VAV2: variants seen among roughly 807,000 people sequenced by gnomAD.
VAV2 encodes the protein vav guanine nucleotide exchange factor 2, also known as guanine nucleotide exchange factor VAV2.
In VAV2, 67 loss-of-function variants were observed where a neutral mutation model predicts 132.5. The ratio of observed to expected loss-of-function variants is 0.51; its 90% CI spans 0.42 to 0.62. VAV2 has a LOEUF of 0.62. VAV2 is among the 20% of genes least tolerant of loss of function. The pLI, the probability that VAV2 is intolerant of heterozygous loss-of-function variation, is 0.00. For missense variants in VAV2, 938 were observed against 1,153.6 expected, an observed-to-expected ratio of 0.81 and a Z score of 2.71; for synonymous variants, 492 against 443.5, an observed-to-expected ratio of 1.11 and a Z score of -1.37.
intron 2 of VAV2, among the ~76,000 whole-genome samples, chr9:133,892,619 C>T (rs1174940992): frequency 2.6e-5 from 4 of 152,120 alleles, no homozygotes; most frequent in Admixed American, 6.5e-5. Flanking sequence ...CCTGGGTCTC[C>T]GTGCCTGAAT....
intron 24 of VAV2, among the ~76,000 whole-genome samples, 164 bp from the exon 25 acceptor site, chr9:133,775,215 G>A (rs1213223103): frequency 6.6e-6 from 1 of 152,166 alleles, no homozygotes; most frequent in Non-Finnish European, 1.5e-5. Flanking sequence ...CTATGAGCGG[G>A]GCACCACTGT....
In VAV2 at chr9:133,802,451, G is replaced by C. The variant is rs1564361950; in HGVS notation, c.836+3630C>G. ...GCTGACTCCTCCCCTGGAGAAAGTT[G>C]TTCAGGCGCAAATGATTTCTGTCCT... On this transcript the variant is annotated intron_variant, in intron 9 of 29. Transcript: ENST00000371850. This position sits in a 1 kb window ranked among gnomAD's most constrained non-coding sequence, Gnocchi z 5.8. Among the ~76,000 whole-genome samples the C allele has an allele frequency of 6.8e-6, 1 of 147,242 alleles. No homozygotes were observed. Among genetic ancestry groups the C allele is most frequent in the African/African-American group, 2.5e-5 (1 of 40,172 alleles).
chr9:133,903,236 C>T (rs898954610), intron 2 of VAV2, among the ~76,000 whole-genome samples: 1 of 152,188 alleles, frequency 6.6e-6, no homozygotes, highest in African/African-American at 2.4e-5. Flanking sequence ...CGCCGCCACC[C>T]TGATCTCAGA....
intron 13 of VAV2, among the ~76,000 whole-genome samples, chr9:133,790,856 C>T (rs1834429489): frequency 6.6e-6 from 1 of 152,150 alleles, no homozygotes; most frequent in South Asian, 2.1e-4. Flanking sequence ...GGGACCTTCC[C>T]CTGCCAGCTT....
At chr9:133,875,432 G>A (rs1026967028) in intron 2 of VAV2, among the ~76,000 whole-genome samples, 8 of 152,178 alleles carry the variant, frequency 5.3e-5, no homozygotes, top group Non-Finnish European at 8.8e-5. Flanking sequence ...GCCCTGAGCA[G>A]GCAGAGGGGG....
chr9:133,807,474 C>CG (rs1311843914), intron 7 of VAV2, 148 bp from the exon 8 acceptor site: 15 of 744,450 alleles, frequency 2.0e-5, no homozygotes, highest in African/African-American at 2.0e-4. Context: ...CTGGCCACAT[C>CG]GGGCTCCATT....
In VAV2 at chr9:133,778,882, C is replaced by G. The variant is rs749245786; in HGVS notation, c.1770G>C (p.Lys590Asn). The change falls in exon 22 of 30, where the codon AAG (lysine) becomes AAC (asparagine). Residue 590 changes from lysine to asparagine, a missense_variant. Physicochemically the swap from Lys to Asn is moderately conservative, Grantham distance 94. Coordinates refer to ENST00000371850, the MANE Select transcript of VAV2 (RefSeq NM_001134398.2). The stretch of plus-strand genomic sequence containing the variant: ...CATGGTAATTCTGCATGGCCACCAT[C>G]TTGGGACCTGCAAAGGATAGGACAG... ...LDASGAGPGP[K>N]MVAMQNYHGN... 1.2e-6 allele frequency: 2 copies of G among 1,612,508 alleles called. No individual in the cohort carries two copies. The highest frequency in any genetic ancestry group is 1.1e-5 in the South Asian group (1 of 91,074).
At chr9:133,956,963 G>C (rs1185497438) in intron 1 of VAV2, among the ~76,000 whole-genome samples, 1 of 152,212 alleles carries the variant, frequency 6.6e-6, no homozygotes, top group East Asian at 1.9e-4. Flanking sequence ...GGGCGCACCT[G>C]TTTGCAGTCA....
intron 1 of VAV2, among the ~76,000 whole-genome samples, chr9:133,966,284 G>T (rs920393961): frequency 6.6e-6 from 1 of 152,164 alleles, no homozygotes; most frequent in East Asian, 1.9e-4. Flanking sequence ...AGACAAATGG[G>T]ATTACATCAA....
chr9:133,947,559 C>A (rs141570681), intron 1 of VAV2, among the ~76,000 whole-genome samples: 1 of 151,856 alleles, frequency 6.6e-6, no homozygotes, highest in Non-Finnish European at 1.5e-5. Context: ...ATTAGCCAGG[C>A]GTGGTGGCGC....
rs1303585800 is a variant in VAV2 at position 133,833,513 on chromosome 9, T to A, written c.449+759A>T. Among the ~76,000 whole-genome samples, 1 of 152,058 alleles carries A rather than the reference T, an allele frequency of 6.6e-6. No homozygotes were observed. The highest frequency in any genetic ancestry group is 1.9e-4 in the East Asian group (1 of 5,160). ...GATGCCCGAAGGCACCATCTCCCGG[T>A]GGCCTGGGAGGGTGGTGGATGAGCC... On this transcript the variant is annotated intron_variant, in intron 4 of 29. Transcript: ENST00000371850. The surrounding 1 kb of genome is among the most constrained non-coding windows in gnomAD (Gnocchi z 5.6).
At chr9:133,821,499 A>C (rs1033011979) in intron 4 of VAV2, among the ~76,000 whole-genome samples, 1 of 152,230 alleles carries the variant, frequency 6.6e-6, no homozygotes, top group African/African-American at 2.4e-5. Flanking sequence ...GTACAAGACC[A>C]GTAGAGGCTG....
At chr9:133,836,292 G>A (rs148381371) in intron 3 of VAV2, among the ~76,000 whole-genome samples, 6 of 152,296 alleles carry the variant, frequency 3.9e-5, no homozygotes, top group African/African-American at 1.4e-4. Context: ...GCTGAGATGT[G>A]ACTTCAGGAC....
At chr9:133,795,495 C>G (rs1834672350) in intron 12 of VAV2, among the ~76,000 whole-genome samples, 173 bp downstream of exon 12, 1 of 152,166 alleles carries the variant, frequency 6.6e-6, no homozygotes, top group South Asian at 2.1e-4. Context: ...CACCCGTCAC[C>G]TCTACCTCCT....
intron 2 of VAV2, among the ~76,000 whole-genome samples, chr9:133,921,514 C>T (rs554842964): frequency 1.3e-5 from 2 of 152,294 alleles, no homozygotes; most frequent in East Asian, 3.9e-4. Context: ...GTGTCTCACT[C>T]GAAGAAACCC....
At chr9:133,791,036 C>A (rs1271692043) in intron 13 of VAV2, among the ~76,000 whole-genome samples, 2 of 152,182 alleles carry the variant, frequency 1.3e-5, no homozygotes, top group Non-Finnish European at 2.9e-5. Flanking sequence ...CACTGCTCCA[C>A]ATCCTGTAAC....
At chr9:133,806,563 T>C (rs1007739771) in intron 8 of VAV2, among the ~76,000 whole-genome samples, 2 of 152,120 alleles carry the variant, frequency 1.3e-5, no homozygotes, top group Non-Finnish European at 2.9e-5. Flanking sequence ...CAGGCCTCTT[T>C]CTGTCTGTGC....
At chr9:133,955,404 C>G (rs1433356980) in intron 1 of VAV2, among the ~76,000 whole-genome samples, 1 of 145,114 alleles carries the variant, frequency 6.9e-6, no homozygotes, top group Non-Finnish European at 1.5e-5. Flanking sequence ...CTCCCCACTC[C>G]CCACACTCCT....
In VAV2 at chr9:133,961,207, A is replaced by T. The variant is rs984565929; in HGVS notation, c.205-21988T>A. On this transcript the variant is annotated intron_variant, in intron 1 of 29. Transcript: ENST00000371850. This position sits in a 1 kb window ranked among gnomAD's most constrained non-coding sequence, Gnocchi z 4.1. Reference sequence around the variant, plus strand: ...AGAAACAATCACTGCAGTCCAACAGAATAGTCAACCTTTTGATCTCAGAGG... The same window carrying T: ...AGAAACAATCACTGCAGTCCAACAGTATAGTCAACCTTTTGATCTCAGAGG... Among the ~76,000 whole-genome samples the T allele has an allele frequency of 6.6e-6, 1 of 152,216 alleles. No individual in the cohort carries two copies. Among genetic ancestry groups the T allele is most frequent in the Admixed American group, 6.5e-5 (1 of 15,286 alleles).
Sources: gnomAD v4.1 joint callset for allele counts (sites outside exome capture counted in the v4.1 genomes callset) on GRCh38, gnomAD v4.1.1 for gene constraint, Gnocchi (gnomAD v3.1) non-coding constraint, MANE v1.5 for transcripts, NCBI Gene and HGNC (gene_info 2026-07-23, HGNC 2026-07-21) for gene names.